Variants in ATP10B observed in about 807,000 individuals in gnomAD.
ATP10B encodes the protein ATPase phospholipid transporting 10B (putative).
A neutral mutation model predicts 141.2 loss-of-function variants in ATP10B; 122 were observed. The observed-to-expected ratio is 0.86, with a 90% CI of 0.75 to 1.00. ATP10B has a LOEUF of 1.00. ATP10B is among the 50% of genes least tolerant of loss of function. The pLI, the probability that ATP10B is intolerant of heterozygous loss-of-function variation, is 0.00. For synonymous variants in ATP10B, 685 were observed against 692.0 expected (o/e 0.99, Z 0.16); for missense variants, 1,876 against 1,825.3 (o/e 1.03, Z -0.51).
intron 1 of ATP10B, among the ~76,000 whole-genome samples, chr5:160,827,239 C>A (rs1421722518): frequency 6.6e-6 from 1 of 152,222 alleles, no homozygotes; most frequent in South Asian, 2.1e-4. Context: ...CCGGCCAACA[C>A]TTACAGAAAA....
intron 3 of ATP10B, among the ~76,000 whole-genome samples, chr5:160,715,368 AC>A (rs895123803): frequency 7.1e-6 from 1 of 139,876 alleles, no homozygotes; most frequent in Non-Finnish European, 1.6e-5. Context: ...GGTGGGAGTG[AC>A]CCGATTTTCC....
chr5:160,874,657 A>G, the ATP10B span, among the ~76,000 whole-genome samples: 1 of 152,200 alleles, frequency 6.6e-6, no homozygotes, highest in African/African-American at 2.4e-5. Flanking sequence ...AAGAATGTAT[A>G]ACTAGAATAA....
intron 2 of ATP10B, among the ~76,000 whole-genome samples, chr5:160,750,071 G>T (rs1768054011): frequency 6.6e-6 from 1 of 152,212 alleles, no homozygotes; most frequent in Admixed American, 6.5e-5. Flanking sequence ...TAGAAGGTAT[G>T]CAGGTTTTGA....
chr5:160,589,829 T>C (rs1756162260), intron 23 of ATP10B, 133 bp from the exon 24 acceptor site: 3 of 659,198 alleles, frequency 4.6e-6, no homozygotes, highest in Non-Finnish European at 8.2e-6. Flanking sequence ...ATCTGTGTGG[T>C]ACTGATCCGA....
At chr5:160,747,582 G>T (rs1196215856) in intron 2 of ATP10B, among the ~76,000 whole-genome samples, 1 of 152,110 alleles carries the variant, frequency 6.6e-6, no homozygotes, top group Non-Finnish European at 1.5e-5. Context: ...AGATTGGAGA[G>T]AGGCTACCAC....
At position 160,563,748 on chromosome 5, in the gene ATP10B, C is replaced by G. The variant is rs540209007; in HGVS notation, c.*1705G>C. ...TGTTCTTTCTGGCTTTTAGTAGTAGCCAGAAATTGGGGGAAAAATTGAGGT... is the reference window on the plus strand; with the variant it reads ...TGTTCTTTCTGGCTTTTAGTAGTAGGCAGAAATTGGGGGAAAAATTGAGGT... On this transcript the variant is annotated 3_prime_UTR_variant, in exon 26 of 26. Coordinates refer to ENST00000327245, the MANE Select transcript of ATP10B (RefSeq NM_025153.3). 4.5e-4 allele frequency: 68 copies of G among 152,178 alleles called. No homozygotes were observed. Among genetic ancestry groups the G allele is most frequent in the African/African-American group, 1.5e-3 (63 of 41,518 alleles). The allele number at this position is 152,178 out of a possible 1,614,324, so 9.4% of individuals were successfully genotyped here. A position where few individuals can be genotyped will look rare whatever the true frequency, so the allele number is the denominator to read the frequency against.
At chr5:160,802,002 G>A (rs1355158612) in intron 1 of ATP10B, among the ~76,000 whole-genome samples, 1 of 152,144 alleles carries the variant, frequency 6.6e-6, no homozygotes, top group East Asian at 1.9e-4. Context: ...CAAGATGAAC[G>A]TTTGCCAGCA....
At chr5:160,757,856 GGGAAC>G (rs1168329107) in intron 2 of ATP10B, among the ~76,000 whole-genome samples, 1 of 152,168 alleles carries the variant, frequency 6.6e-6, no homozygotes, top group Non-Finnish European at 1.5e-5. Flanking sequence ...CTTTGTTGCA[GGGAAC>G]TGTCCTGTGC....
the ATP10B span, among the ~76,000 whole-genome samples, chr5:160,902,503 T>C: frequency 6.6e-6 from 1 of 152,170 alleles, no homozygotes; most frequent in Non-Finnish European, 1.5e-5. Context: ...GATTAAACTT[T>C]CCTGAAAATG....
the ATP10B span, among the ~76,000 whole-genome samples, chr5:160,879,512 T>G: frequency 7.0e-6 from 1 of 143,314 alleles, no homozygotes; most frequent in Non-Finnish European, 1.5e-5. Context: ...AATGTGCACA[T>G]GTACCCTAAA....
At chr5:160,829,470 T>C (rs1365125829) in intron 1 of ATP10B, among the ~76,000 whole-genome samples, 1 of 152,160 alleles carries the variant, frequency 6.6e-6, no homozygotes, top group Admixed American at 6.6e-5. Context: ...TAGAATAGTT[T>C]AGAATCGTTT....
In ATP10B at chr5:160,652,742, G is replaced by T. The variant is rs7717471; in HGVS notation, c.676-3486C>A. The stretch of plus-strand genomic sequence containing the variant: ...ATATATAATATATACATATATTTAT[G>T]TACTATACATGTACATATTATATAC... On this transcript the variant is annotated intron_variant, in intron 7 of 25. Transcript: ENST00000327245. Among the ~76,000 whole-genome samples, 6 of 113,534 alleles carry T rather than the reference G, an allele frequency of 5.3e-5. 2 individuals carry two copies. Among genetic ancestry groups the T allele is most frequent in the African/African-American group, 2.1e-4 (6 of 27,916 alleles). The allele number at this position is 113,534 out of a possible 152,430, so 74.5% of individuals were successfully genotyped here. A position where few individuals can be genotyped will look rare whatever the true frequency, so the allele number is the denominator to read the frequency against.
At chr5:160,905,719 TATA>T in the ATP10B span, among the ~76,000 whole-genome samples, 1 of 114,280 alleles carries the variant, frequency 8.8e-6, no homozygotes, top group African/African-American at 3.6e-5. Flanking sequence ...GGATTGCTAT[TATA>T]ATGTGTTAAA....
intron 2 of ATP10B, among the ~76,000 whole-genome samples, chr5:160,780,442 C>T (rs895007834): frequency 6.6e-6 from 1 of 152,108 alleles, no homozygotes; most frequent in African/African-American, 2.4e-5. Flanking sequence ...TTGAGATTAA[C>T]CACATACAAA....
At chr5:160,750,364 C>T (rs547802589) in intron 2 of ATP10B, among the ~76,000 whole-genome samples, 3 of 152,284 alleles carry the variant, frequency 2.0e-5, no homozygotes, top group Admixed American at 1.3e-4. Flanking sequence ...AAGCAAATAG[C>T]CCCAGCCCGC....
At chr5:160,804,381 T>C (rs750613497) in intron 1 of ATP10B, among the ~76,000 whole-genome samples, 15 of 152,242 alleles carry the variant, frequency 9.9e-5, no homozygotes. Context: ...GGGTGGAATA[T>C]AGAGAGTGTT....
chr5:160,696,816 G>A (rs1322487627), intron 3 of ATP10B, among the ~76,000 whole-genome samples: 1 of 152,202 alleles, frequency 6.6e-6, no homozygotes, highest in Non-Finnish European at 1.5e-5. Context: ...CCCAAGCATT[G>A]TAGTAGATCA....
intron 2 of ATP10B, among the ~76,000 whole-genome samples, chr5:160,753,220 C>T (rs564295254): frequency 5.3e-5 from 8 of 152,288 alleles, no homozygotes; most frequent in African/African-American, 1.7e-4. Context: ...GAGGAAACGT[C>T]GTTCCTCCTT....
intron 7 of ATP10B, among the ~76,000 whole-genome samples, chr5:160,669,608 C>CTTTTT (rs5872655): frequency 1.2e-5 from 1 of 84,946 alleles, no homozygotes; most frequent in East Asian, 3.6e-4. Flanking sequence ...CAGTCTCTCT[C>CTTTTT]TTTTTTTTTT....
Sources: allele counts gnomAD v4.1 joint callset (sites outside exome capture counted in the v4.1 genomes callset), GRCh38; gene constraint gnomAD v4.1.1; transcripts MANE v1.5; gene names NCBI Gene and HGNC (gene_info 2026-07-23, HGNC 2026-07-21).